Variants in ITGB1BP1 observed in about 807,000 individuals in gnomAD.
ITGB1BP1 encodes the protein integrin beta-1-binding protein 1.
ITGB1BP1 carries 20 observed loss-of-function variants against 28.0 expected under a neutral mutation model. That is an observed-to-expected ratio of 0.71 (90% CI 0.50 to 1.04). The LOEUF (loss-of-function observed/expected upper bound fraction) is 1.04, where lower values mean the gene tolerates loss of function less well. Ranked by LOEUF, ITGB1BP1 falls within the 50% of genes least tolerant of loss-of-function variation. The pLI is 0.00. For missense variants in ITGB1BP1, 228 were observed against 242.5 expected (o/e 0.94, Z 0.40); for synonymous variants, 103 against 89.5 (o/e 1.15, Z -0.85).
rs541883804 is a variant in ITGB1BP1 at position 9,405,242 on chromosome 2, A to G, written c.*1592T>C. The stretch of plus-strand genomic sequence containing the variant: ...GAGAAATTATATTAACGACCCTGCT[A>G]ATATCCTTTCTTAGTTATTTGCTCC... On this transcript the variant is annotated 3_prime_UTR_variant, in exon 7 of 7. Transcript: ENST00000355346. The G allele has an allele frequency of 1.3e-5, 2 of 152,394 alleles. No homozygotes were observed. Among genetic ancestry groups the G allele is most frequent in the East Asian group, 3.9e-4 (2 of 5,192 alleles). The allele number at this position is 152,394 out of a possible 1,614,324, so 9.4% of individuals were successfully genotyped here.
intron 2 of ITGB1BP1, 27 bp from the exon 3 acceptor site, chr2:9,414,283 A>G: frequency 1.3e-6 from 2 of 1,572,104 alleles, no homozygotes; most frequent in East Asian, 2.2e-5. Flanking sequence ...CAAGTAAAAA[A>G]CCTCCACTGA....
chr2:9,423,128 G>C lies in ITGB1BP1; in HGVS notation c.-36+245C>G, dbSNP rs1368539639. ...GGCCGCCCGCCTTGCCGCCCCTCCG[G>C]GGCGACAGCGGCTCGGGAAGCTGCA... On this transcript the variant is annotated intron_variant, in intron 1 of 6. Coordinates refer to ENST00000355346, the MANE Select transcript of ITGB1BP1 (RefSeq NM_004763.5). 4 of 1,009,642 alleles carry C rather than the reference G, an allele frequency of 4.0e-6. No individual in the cohort carries two copies. In the African/African-American group the frequency reaches 7.0e-5, roughly 18 times the overall value. The allele number at this position is 1,009,642 out of a possible 1,614,324, so 62.5% of individuals were successfully genotyped here. A position where few individuals can be genotyped will look rare whatever the true frequency, so the allele number is the denominator to read the frequency against.
chr2:9,420,668 CAGG>C lies in ITGB1BP1; in HGVS notation c.-35-1939_-35-1937del, dbSNP rs201599091. ...GGGAACAGTCAAGGCTGTCCGGGAG[CAGG>C]AGGACAGCAATGGGCCCAAAGTGCC... On this transcript the variant is annotated intron_variant, in intron 1 of 6. Transcript: ENST00000355346. Among the ~76,000 whole-genome samples the C allele has an allele frequency of 5.3e-3, 814 of 152,218 alleles. 14 individuals are homozygous for C. The highest frequency in any genetic ancestry group is 0.019 in the African/African-American group (776 of 41,546).
chr2:9,407,053 A>G, intron 6 of ITGB1BP1, 148 bp from the exon 7 acceptor site: 1 of 660,418 alleles, frequency 1.5e-6, no homozygotes, highest in South Asian at 1.8e-5. Context: ...TGGAACCCAT[A>G]CTATGAGCTT....
At chr2:9,419,440 T>A (rs1490514446) in intron 1 of ITGB1BP1, among the ~76,000 whole-genome samples, 1 of 152,158 alleles carries the variant, frequency 6.6e-6, no homozygotes, top group Non-Finnish European at 1.5e-5. Context: ...TATACACACC[T>A]CTCAGAAATG....
At chr2:9,414,965 C>T (rs1678929821) in intron 2 of ITGB1BP1, among the ~76,000 whole-genome samples, 1 of 152,162 alleles carries the variant, frequency 6.6e-6, no homozygotes, top group South Asian at 2.1e-4. Context: ...AGTCTCTGGC[C>T]GGGCACAGTG....
intron 2 of ITGB1BP1, among the ~76,000 whole-genome samples, chr2:9,416,965 C>T (rs1332363196): frequency 2.0e-5 from 3 of 152,194 alleles, no homozygotes; most frequent in East Asian, 3.9e-4. Flanking sequence ...CCCATGAGTG[C>T]CACCTCAAAC....
intron 1 of ITGB1BP1, 69 bp from the exon 2 acceptor site, chr2:9,418,801 C>CAA: frequency 9.6e-7 from 1 of 1,042,362 alleles, no homozygotes; most frequent in South Asian, 1.4e-5. Flanking sequence ...TTTTAAGAGA[C>CAA]AGAGTCTTGC....
At chr2:9,417,334 T>C (rs1679270990) in intron 2 of ITGB1BP1, among the ~76,000 whole-genome samples, 1 of 151,904 alleles carries the variant, frequency 6.6e-6, no homozygotes, top group Non-Finnish European at 1.5e-5. Context: ...ATGGCCCCAC[T>C]TCTCCTGTAG....
intron 2 of ITGB1BP1, among the ~76,000 whole-genome samples, chr2:9,416,709 A>C (rs1679190560): frequency 6.6e-6 from 1 of 152,218 alleles, no homozygotes; most frequent in Non-Finnish European, 1.5e-5. Context: ...CTTTAGGCCT[A>C]CAACCTCCCC....
intron 1 of ITGB1BP1, among the ~76,000 whole-genome samples, chr2:9,419,696 A>G (rs1183173012): frequency 6.6e-6 from 1 of 152,214 alleles, no homozygotes; most frequent in Non-Finnish European, 1.5e-5. Context: ...ACTAACCTAC[A>G]TGAAGCTGCA....
rs952945702 is a variant in ITGB1BP1 at position 9,412,090 on chromosome 2, G to A, written c.288+179C>T. On this transcript the variant is annotated intron_variant, in intron 4 of 6. Coordinates refer to ENST00000355346, the MANE Select transcript of ITGB1BP1 (RefSeq NM_004763.5). Reference sequence around the variant, plus strand: ...TACCGTGTTTGAAGGGAGGAACAGCGCCTGTGTTCCCATGCAGCTCAGCGC... The same window carrying A: ...TACCGTGTTTGAAGGGAGGAACAGCACCTGTGTTCCCATGCAGCTCAGCGC... 17 of 544,446 alleles carry A rather than the reference G, an allele frequency of 3.1e-5. No homozygotes were observed. The Middle Eastern group carries it at 1.5e-3, about 47-fold the overall frequency. The allele number at this position is 544,446 out of a possible 1,614,324, so 33.7% of individuals were successfully genotyped here. A position where few individuals can be genotyped will look rare whatever the true frequency, so the allele number is the denominator to read the frequency against.
chr2:9,406,941 C>A (rs1354618826), intron 6 of ITGB1BP1, 36 bp from the exon 7 acceptor site: 1 of 1,489,078 alleles, frequency 6.7e-7, no homozygotes, highest in South Asian at 1.1e-5. Context: ...GAGCAACATT[C>A]ATCTGTCTCT....
At chr2:9,421,573 G>C (rs1679850090) in intron 1 of ITGB1BP1, among the ~76,000 whole-genome samples, 1 of 151,814 alleles carries the variant, frequency 6.6e-6, no homozygotes, top group Non-Finnish European at 1.5e-5. Flanking sequence ...TGTAGTCCCA[G>C]CTACTCAGGA....
intron 1 of ITGB1BP1, chr2:9,422,804 G>T (rs1680058197): frequency 1.0e-6 from 1 of 986,064 alleles, no homozygotes; most frequent in African/African-American, 1.7e-5. Flanking sequence ...TCACCGACCA[G>T]CAAGGCTGCA....
chr2:9,412,356 A>G lies in ITGB1BP1; in HGVS notation c.201T>C (p.Tyr67=), dbSNP rs889666884. 2 of 1,612,406 alleles carry G rather than the reference A, an allele frequency of 1.2e-6. No homozygotes were observed. The highest frequency in any genetic ancestry group is 1.3e-5 in the African/African-American group (1 of 74,856). ...SDTCAEFRIK[Y]VGAIEKLKLS... ...GTTTCAGTTTCTCAATGGCACCAAC[A>G]TATTTTATTCGAAATTCTGCACAGG... The change falls in exon 4 of 7, where the codon TAT becomes TAC. Residue 67 remains tyrosine (Y), a synonymous_variant. Coordinates refer to ENST00000355346, the MANE Select transcript of ITGB1BP1 (RefSeq NM_004763.5).
At chr2:9,414,605 T>C (rs1678892154) in intron 2 of ITGB1BP1, among the ~76,000 whole-genome samples, 1 of 152,200 alleles carries the variant, frequency 6.6e-6, no homozygotes, top group South Asian at 2.1e-4. Context: ...TCACATGAGT[T>C]CCACTGAACC....
intron 1 of ITGB1BP1, 54 bp downstream of exon 1, chr2:9,423,319 C>T (rs1558444051): frequency 2.5e-6 from 3 of 1,221,458 alleles, no homozygotes; most frequent in Non-Finnish European, 3.1e-6. Flanking sequence ...GGACCGTGTT[C>T]CCGTCAGGCC....
intron 2 of ITGB1BP1, among the ~76,000 whole-genome samples, chr2:9,417,862 C>T (rs74488278): frequency 0.018 from 2,650 of 151,322 alleles, 41 homozygotes; most frequent in Non-Finnish European, 0.028. Context: ...ATTATTTTCT[C>T]CCCCAACTGA....
Sources: gnomAD v4.1 joint callset for allele counts (sites outside exome capture counted in the v4.1 genomes callset) on GRCh38, gnomAD v4.1.1 for gene constraint, MANE v1.5 for transcripts, NCBI Gene and HGNC (gene_info 2026-07-23, HGNC 2026-07-21) for gene names.